Variants in NPTN observed in about 807,000 individuals in gnomAD.
NPTN encodes SDR-1.
A neutral mutation model predicts 42.7 loss-of-function variants in NPTN; 5 were observed. The ratio of observed to expected loss-of-function variants is 0.12; its 90% CI spans 0.06 to 0.25. The LOEUF is 0.25. NPTN is among the 10% of genes least tolerant of loss of function. The probability of loss-of-function intolerance (pLI) is 1.00; values close to 1 mark genes in which losing one functional copy is unlikely to be tolerated. For missense variants in NPTN, 307 were observed against 525.4 expected, an observed-to-expected ratio of 0.58 and a Z score of 4.06; for synonymous variants, 180 against 201.9, an observed-to-expected ratio of 0.89 and a Z score of 0.92.
intron 1 of NPTN, among the ~76,000 whole-genome samples, chr15:73,613,854 T>C (rs1300618149): frequency 6.6e-6 from 1 of 151,906 alleles, no homozygotes; most frequent in South Asian, 2.1e-4. Context: ...CCTGGCTAAT[T>C]TTTGTGTTTT....
chr15:73,564,042 A>G (rs1894841841), intron 6 of NPTN, among the ~76,000 whole-genome samples: 1 of 152,234 alleles, frequency 6.6e-6, no homozygotes, highest in Non-Finnish European at 1.5e-5. Flanking sequence ...CTGACATTAT[A>G]TGAGTTTAAG....
intron 3 of NPTN, 149 bp downstream of exon 3, chr15:73,591,817 G>A (rs1349940809): frequency 3.1e-6 from 2 of 654,660 alleles, no homozygotes; most frequent in African/African-American, 3.6e-5. Context: ...AGACTACTGG[G>A]CCTTACCTGA....
At chr15:73,621,159 T>C (rs982061211) in intron 1 of NPTN, among the ~76,000 whole-genome samples, 1 of 152,076 alleles carries the variant, frequency 6.6e-6, no homozygotes, top group Non-Finnish European at 1.5e-5. Context: ...GGATGAAAAA[T>C]AACAAGGGTC....
chr15:73,589,920 G>GAGGA (rs1296044932), intron 3 of NPTN, among the ~76,000 whole-genome samples: 4 of 151,770 alleles, frequency 2.6e-5, no homozygotes, highest in African/African-American at 9.7e-5. Flanking sequence ...TCCAGAGTTT[G>GAGGA]AGGAAGGAGC....
intron 4 of NPTN, among the ~76,000 whole-genome samples, chr15:73,581,426 AC>A (rs1452980262): frequency 6.6e-6 from 1 of 152,100 alleles, no homozygotes; most frequent in Non-Finnish European, 1.5e-5. Flanking sequence ...TAACAAAAAG[AC>A]CCTTAGAAGA....
intron 3 of NPTN, among the ~76,000 whole-genome samples, chr15:73,591,308 C>G (rs1896576975): frequency 1.3e-5 from 2 of 152,190 alleles, no homozygotes; most frequent in Admixed American, 6.5e-5. Context: ...CTTTTCCAGA[C>G]AGCCTTCAAC....
chr15:73,580,399 AT>A, intron 4 of NPTN, among the ~76,000 whole-genome samples: 1 of 129,190 alleles, frequency 7.7e-6, no homozygotes, highest in South Asian at 2.2e-4. Flanking sequence ...AAATATATAT[AT>A]TATATATATA....
At chr15:73,567,669 G>A (rs1478703562) in intron 6 of NPTN, 12 of 985,222 alleles carry the variant, frequency 1.2e-5, no homozygotes, top group East Asian at 1.1e-4. Flanking sequence ...GAAGAAAAGC[G>A]GGCAGGGGTG....
chr15:73,591,133 C>T (rs752223324), intron 3 of NPTN, among the ~76,000 whole-genome samples: 7 of 152,114 alleles, frequency 4.6e-5, no homozygotes, highest in Non-Finnish European at 8.8e-5. Flanking sequence ...AAAAAGGATC[C>T]ACAAATTCAT....
At chr15:73,583,971 G>A (rs1196473420) in intron 4 of NPTN, among the ~76,000 whole-genome samples, 3 of 152,200 alleles carry the variant, frequency 2.0e-5, no homozygotes, top group Non-Finnish European at 4.4e-5. Flanking sequence ...TAGGAAGGCA[G>A]GGCAAGGCCA....
chr15:73,601,814 T>C (rs931170260), intron 1 of NPTN, among the ~76,000 whole-genome samples: 1 of 152,162 alleles, frequency 6.6e-6, no homozygotes, highest in South Asian at 2.1e-4. Flanking sequence ...TGAACAGTGG[T>C]TACTGGCTTT....
In NPTN at chr15:73,633,126, G is replaced by A. The variant is rs1898855515; in HGVS notation, c.90C>T (p.Asn30=). The A allele has an allele frequency of 4.0e-6, 6 of 1,482,504 alleles. No homozygotes were observed. The highest frequency in any genetic ancestry group is 1.4e-5 in the South Asian group (1 of 73,468). 91.8% of individuals were successfully genotyped at this position (1,482,504 alleles called of 1,614,324 possible). A position where few individuals can be genotyped will look rare whatever the true frequency, so the allele number is the denominator to read the frequency against. The stretch of plus-strand genomic sequence containing the variant: ...GCCCGCCCCCGGCGCCCCGCTTACC[G>A]TTCTGAGCGGCGCCTGGCCCTGGGA... ...SLLPGPGAAQ[N]AGFVKSPMSE... is the part of the protein sequence containing the mutation. Residue 30 remains asparagine, a splice_region_variant and synonymous_variant, in exon 1 of 9, where the codon AAC becomes AAT. Coordinates refer to ENST00000345330, the MANE Select transcript of NPTN (RefSeq NM_012428.4).
chr15:73,619,235 T>C (rs1308302256), intron 1 of NPTN, among the ~76,000 whole-genome samples: 1 of 152,144 alleles, frequency 6.6e-6, no homozygotes, highest in Non-Finnish European at 1.5e-5. Flanking sequence ...ATTTAGATCA[T>C]TGTCTTAATT....
At chr15:73,580,531 GTA>G (rs1271261882) in intron 4 of NPTN, among the ~76,000 whole-genome samples, 2 of 132,698 alleles carry the variant, frequency 1.5e-5, no homozygotes, top group Non-Finnish European at 3.1e-5. Context: ...AGTTATATAT[GTA>G]TATATTTGTT....
chr15:73,606,939 CAG>C lies in NPTN; in HGVS notation c.92-9572_92-9571del, dbSNP rs149760048. 8.2e-3 allele frequency among the ~76,000 whole-genome samples: 1,255 copies of C among 152,318 alleles called. 8 individuals are homozygous for C. The highest frequency in any genetic ancestry group is 0.028 in the African/African-American group (1,144 of 41,582). ...AAGAACCCCCATCTTTGATCATCCT[CAG>C]TATCAGATCAGGTTCTTCAGCCTCC... On this transcript the variant is annotated intron_variant, in intron 1 of 8. Coordinates refer to ENST00000345330, the MANE Select transcript of NPTN (RefSeq NM_012428.4).
At chr15:73,602,738 C>A (rs1245951604) in intron 1 of NPTN, among the ~76,000 whole-genome samples, 1 of 152,208 alleles carries the variant, frequency 6.6e-6, no homozygotes, top group African/African-American at 2.4e-5. Context: ...ACCTCATTCT[C>A]TGCAGCAGGA....
In NPTN at chr15:73,597,323, G is replaced by A. The variant is rs1896876717; in HGVS notation, c.138C>T (p.Asp46=). The change falls in exon 2 of 9, where the codon GAC becomes GAT. Residue 46 remains aspartate (D), a synonymous_variant. Coordinates refer to ENST00000345330, the MANE Select transcript of NPTN (RefSeq NM_012428.4). The surrounding 1 kb of genome is among the most constrained non-coding windows in gnomAD (Gnocchi z 6.3). ...CCACGTCACAGTACAGCTCAAAGGC[G>A]TCCCCCGTGAGCTTAGTTTCTGACA... ...SPMSETKLTG[D]AFELYCDVVG... is the part of the protein sequence containing the mutation. 3 of 1,613,700 alleles carry A rather than the reference G, an allele frequency of 1.9e-6. No homozygotes were observed. Among genetic ancestry groups the A allele is most frequent in the Non-Finnish European group, 2.5e-6 (3 of 1,179,926 alleles).
intron 6 of NPTN, chr15:73,567,315 G>T (rs72741477): frequency 0.019 from 18,684 of 985,108 alleles, 212 homozygotes; most frequent in Middle Eastern, 0.027. Context: ...AAGTATGGCA[G>T]GCCTATAAAA....
chr15:73,603,462 A>G (rs986388721), intron 1 of NPTN, among the ~76,000 whole-genome samples: 1 of 152,224 alleles, frequency 6.6e-6, no homozygotes, highest in Non-Finnish European at 1.5e-5. Context: ...TGCAGAAGGG[A>G]ATGAAAAAGA....
Sources: gnomAD v4.1 joint callset for allele counts (sites outside exome capture counted in the v4.1 genomes callset) on GRCh38, gnomAD v4.1.1 for gene constraint, Gnocchi (gnomAD v3.1) non-coding constraint, MANE v1.5 for transcripts, NCBI Gene and HGNC (gene_info 2026-07-23, HGNC 2026-07-21) for gene names.